ZNF385D: variants seen among roughly 807,000 people sequenced by gnomAD.
The protein encoded by ZNF385D is zinc finger protein 659.
In ZNF385D, 15 loss-of-function variants were observed where a neutral mutation model predicts 35.8. The ratio of observed to expected loss-of-function variants is 0.42; its 90% CI spans 0.28 to 0.64. ZNF385D has a LOEUF of 0.64. ZNF385D is among the 30% of genes least tolerant of loss of function. ZNF385D has a pLI of 0.23. For missense variants in ZNF385D, 474 were observed against 494.6 expected (o/e 0.96, Z 0.39); for synonymous variants, 212 against 186.8 (o/e 1.13, Z -1.10).
chr3:22,316,149 A>C (rs536017300), intron 2 of ZNF385D, among the ~76,000 whole-genome samples: 2 of 152,314 alleles, frequency 1.3e-5, no homozygotes, highest in African/African-American at 4.8e-5. Context: ...GACTAAGTGC[A>C]GGAGGATGGT....
At chr3:21,917,790 C>G (rs207463041) in intron 3 of ZNF385D, among the ~76,000 whole-genome samples, 4 of 152,162 alleles carry the variant, frequency 2.6e-5, no homozygotes, top group African/African-American at 9.7e-5. Context: ...TAAGTGGAGT[C>G]TCTTGACTCA....
intron 2 of ZNF385D, among the ~76,000 whole-genome samples, chr3:22,187,210 C>A (rs1695695628): frequency 6.6e-6 from 1 of 152,170 alleles, no homozygotes; most frequent in African/African-American, 2.4e-5. Flanking sequence ...TTTCTAGCAT[C>A]AGCTTTTAAC....
At chr3:21,986,073 T>G (rs1238424077) in intron 3 of ZNF385D, among the ~76,000 whole-genome samples, 4 of 103,246 alleles carry the variant, frequency 3.9e-5, no homozygotes, top group Non-Finnish European at 7.1e-5. Flanking sequence ...TCTTTATTAG[T>G]CTTCCTAGCA....
intron 3 of ZNF385D, among the ~76,000 whole-genome samples, chr3:21,829,090 G>T (rs1694831865): frequency 6.6e-6 from 1 of 152,202 alleles, no homozygotes; most frequent in Admixed American, 6.5e-5. Context: ...TGTTTGCAAG[G>T]ATTAGAATGT....
intron 2 of ZNF385D, among the ~76,000 whole-genome samples, chr3:21,645,249 C>T (rs2065716653): frequency 6.6e-6 from 1 of 152,150 alleles, no homozygotes; most frequent in South Asian, 2.1e-4. Context: ...AATCAAATTG[C>T]AGCCAAGGTT....
At chr3:21,688,746 A>C (rs1032140647) in intron 1 of ZNF385D, among the ~76,000 whole-genome samples, 1 of 152,192 alleles carries the variant, frequency 6.6e-6, no homozygotes, top group Admixed American at 6.5e-5. Context: ...CTAAATACCA[A>C]GCTCTATAAT....
At chr3:21,540,350 G>C (rs900328451) in intron 3 of ZNF385D, among the ~76,000 whole-genome samples, 1 of 152,116 alleles carries the variant, frequency 6.6e-6, no homozygotes, top group African/African-American at 2.4e-5. Flanking sequence ...TAAAACCATC[G>C]ACAAAAGCCT....
chr3:21,971,794 CA>C (rs1467422320), intron 3 of ZNF385D, among the ~76,000 whole-genome samples: 10 of 151,062 alleles, frequency 6.6e-5, no homozygotes, highest in Non-Finnish European at 1.3e-4. Context: ...CACTGAAAGC[CA>C]AAAAAGAGCA....
intron 4 of ZNF385D, among the ~76,000 whole-genome samples, chr3:21,459,763 A>G (rs1281685322): frequency 1.3e-5 from 2 of 152,174 alleles, no homozygotes; most frequent in Admixed American, 1.3e-4. Context: ...AAAAATGGAC[A>G]AATTGGGCAT....
At chr3:21,932,029 C>A (rs781271488) in intron 3 of ZNF385D, among the ~76,000 whole-genome samples, 1 of 151,446 alleles carries the variant, frequency 6.6e-6, no homozygotes, top group Admixed American at 6.6e-5. Context: ...TAGCCGGGAG[C>A]GGTGGCGGGC....
chr3:22,064,843 G>T (rs1347243286), intron 3 of ZNF385D, among the ~76,000 whole-genome samples: 1 of 152,172 alleles, frequency 6.6e-6, no homozygotes, highest in South Asian at 2.1e-4. Context: ...TAGAGAGGAG[G>T]AAGAATCTTT....
At chr3:21,802,950 A>T (rs1256645635) in intron 3 of ZNF385D, among the ~76,000 whole-genome samples, 2 of 152,164 alleles carry the variant, frequency 1.3e-5, no homozygotes, top group Non-Finnish European at 2.9e-5. Flanking sequence ...AGGACAAGGA[A>T]TGGGGAGAAG....
At chr3:22,028,709 G>A (rs259440) in intron 3 of ZNF385D, among the ~76,000 whole-genome samples, 30,727 of 152,154 alleles carry the variant, frequency 0.2, 4,256 homozygotes, top group East Asian at 0.44. Flanking sequence ...CATTGCCTCA[G>A]ACCAAGGCAT....
intron 3 of ZNF385D, among the ~76,000 whole-genome samples, chr3:21,556,051 A>C (rs1575168563): frequency 7.7e-6 from 1 of 130,188 alleles, no homozygotes; most frequent in Non-Finnish European, 1.7e-5. Flanking sequence ...CCACTTTTTG[A>C]CGTTTTTTTT....
intron 3 of ZNF385D, among the ~76,000 whole-genome samples, chr3:22,145,356 C>T (rs889482831): frequency 1.1e-4 from 17 of 152,194 alleles, no homozygotes; most frequent in Admixed American, 1.1e-3. Context: ...AATGCCTAAG[C>T]TTATACAGCC....
At chr3:21,932,191 A>AAAAAAAAC (rs1701046791) in intron 3 of ZNF385D, among the ~76,000 whole-genome samples, 1 of 148,320 alleles carries the variant, frequency 6.7e-6, no homozygotes, top group South Asian at 2.1e-4. Context: ...AAAAAAAAAA[A>AAAAAAAAC]AAAGTGTGAC....
At chr3:22,039,722 C>T (rs1467599977) in intron 3 of ZNF385D, among the ~76,000 whole-genome samples, 1 of 151,938 alleles carries the variant, frequency 6.6e-6, no homozygotes, top group East Asian at 1.9e-4. Flanking sequence ...TTGGAGAGCC[C>T]GAATATTATA....
intron 3 of ZNF385D, among the ~76,000 whole-genome samples, chr3:21,806,114 G>A (rs914960805): frequency 1.3e-5 from 2 of 151,956 alleles, no homozygotes; most frequent in Non-Finnish European, 2.9e-5. Context: ...TACTCAAGTG[G>A]TGCTTGCCTG....
At chr3:22,219,432 C>G (rs1273811676) in intron 2 of ZNF385D, among the ~76,000 whole-genome samples, 1 of 151,990 alleles carries the variant, frequency 6.6e-6, no homozygotes. Flanking sequence ...ATCATTGTGC[C>G]CTGTCACCAT....
Sources: allele counts gnomAD v4.1 joint callset (sites outside exome capture counted in the v4.1 genomes callset), GRCh38; gene constraint gnomAD v4.1.1; transcripts MANE v1.5; gene names NCBI Gene and HGNC (gene_info 2026-07-23, HGNC 2026-07-21).